The following SBF2 variants were observed in gnomAD, a reference collection of about 807,000 sequenced individuals.
SBF2 encodes the protein myotubularin-related protein 13.
SBF2 carries 112 observed loss-of-function variants against 225.2 expected under a neutral mutation model. That is an observed-to-expected ratio of 0.50 (90% CI 0.43 to 0.58). The LOEUF (loss-of-function observed/expected upper bound fraction) is 0.58. Ranked by LOEUF, SBF2 falls within the 20% of genes least tolerant of loss-of-function variation. SBF2 has a pLI of 0.00. For missense variants in SBF2, 1,996 were observed against 2,206.2 expected, an observed-to-expected ratio of 0.90 and a Z score of 1.91; for synonymous variants, 763 against 773.3, an observed-to-expected ratio of 0.99 and a Z score of 0.22.
rs181330831 is a variant in SBF2, at chr11:10,095,441, T to C, written c.142-52460A>G. On this transcript the variant is annotated intron_variant, in intron 2 of 39. Coordinates refer to ENST00000256190, the MANE Select transcript of SBF2 (RefSeq NM_030962.4). ...GATACATAACATAGAAATACTTTAA[T>C]GAAAACAGATTTAAACCCACAATTT... is the stretch of plus-strand genomic sequence containing the variant. Among the ~76,000 whole-genome samples, 533 of 152,266 alleles carry C rather than the reference T, an allele frequency of 3.5e-3. 4 individuals carry two copies. Among genetic ancestry groups the C allele is most frequent in the African/African-American group, 0.012 (505 of 41,556 alleles).
chr11:10,241,750 A>G (rs1305243174), intron 1 of SBF2, among the ~76,000 whole-genome samples: 1 of 152,142 alleles, frequency 6.6e-6, no homozygotes, highest in Non-Finnish European at 1.5e-5. Flanking sequence ...AGATATCTAT[A>G]AAATGCCACA....
At chr11:10,268,560 C>G (rs1161907373) in intron 1 of SBF2, among the ~76,000 whole-genome samples, 5 of 152,176 alleles carry the variant, frequency 3.3e-5, no homozygotes, top group African/African-American at 1.2e-4. Flanking sequence ...AATTCTTTCT[C>G]CTAACTCAGT....
At chr11:10,173,420 T>G (rs1205907279) in intron 2 of SBF2, among the ~76,000 whole-genome samples, 1 of 152,162 alleles carries the variant, frequency 6.6e-6, no homozygotes, top group Non-Finnish European at 1.5e-5. Flanking sequence ...GGAAAATCAG[T>G]TCACTCCCAC....
chr11:10,182,332 A>G lies in SBF2; in HGVS notation c.141+11570T>C, dbSNP rs550577442. Among the ~76,000 whole-genome samples the G allele has an allele frequency of 4.6e-5, 7 of 152,322 alleles. No homozygotes were observed. In the East Asian group the frequency reaches 5.8e-4, roughly 13 times the overall value. On this transcript the variant is annotated intron_variant, in intron 2 of 39. Transcript: ENST00000256190. Reference sequence around the variant, plus strand: ...GACCTAGAGAGATGGTGTTCTCTCAAATTGCTGTTGTCCTTTATAAGCAAA... The same window carrying G: ...GACCTAGAGAGATGGTGTTCTCTCAGATTGCTGTTGTCCTTTATAAGCAAA...
chr11:10,142,639 T>C (rs1006322421), intron 2 of SBF2, among the ~76,000 whole-genome samples: 2 of 152,312 alleles, frequency 1.3e-5, no homozygotes, highest in East Asian at 3.9e-4. Context: ...AAAACACTGA[T>C]ACTTAGCACT....
At chr11:9,874,249 G>C (rs1318475691) in intron 17 of SBF2, among the ~76,000 whole-genome samples, 1 of 151,916 alleles carries the variant, frequency 6.6e-6, no homozygotes, top group African/African-American at 2.4e-5. Context: ...GTACATAATA[G>C]TGAATCTAAG....
chr11:9,967,911 ATCTGTCTGTCTGTCTG>A (rs1201842155), intron 14 of SBF2, among the ~76,000 whole-genome samples: 3 of 139,716 alleles, frequency 2.1e-5, no homozygotes, highest in African/African-American at 8.1e-5. Context: ...GTGAAACTCA[ATCTGTCTGTCTGTCTG>A]TCTGTCTGTC....
chr11:9,944,614 T>C (rs1349330568), intron 16 of SBF2, among the ~76,000 whole-genome samples: 5 of 151,878 alleles, frequency 3.3e-5, no homozygotes, highest in African/African-American at 9.7e-5. Flanking sequence ...GGTGAAAAAA[T>C]CTCTGCAGTG....
intron 2 of SBF2, among the ~76,000 whole-genome samples, chr11:10,096,744 C>T (rs540073962): frequency 9.0e-4 from 137 of 152,184 alleles, no homozygotes; most frequent in African/African-American, 3.1e-3. Context: ...AATAATAATG[C>T]ACTTTTTTAT....
chr11:10,168,450 C>T (rs1956060981), intron 2 of SBF2, among the ~76,000 whole-genome samples: 1 of 152,114 alleles, frequency 6.6e-6, no homozygotes, highest in Admixed American at 6.6e-5. Flanking sequence ...GTTCAAGAAC[C>T]AATTCTTCCC....
At chr11:10,238,453 A>G (rs1959165671) in intron 1 of SBF2, among the ~76,000 whole-genome samples, 1 of 152,172 alleles carries the variant, frequency 6.6e-6, no homozygotes, top group African/African-American at 2.4e-5. Context: ...ACTAACCAAA[A>G]GAAGGCTGGT....
intron 6 of SBF2, among the ~76,000 whole-genome samples, chr11:10,007,801 G>GC (rs1419563964): frequency 6.6e-6 from 1 of 152,100 alleles, no homozygotes; most frequent in Non-Finnish European, 1.5e-5. Context: ...CTTAGGTCAC[G>GC]CCCCCTTCAA....
chr11:10,119,910 G>A (rs1953354886), intron 2 of SBF2, among the ~76,000 whole-genome samples: 1 of 151,998 alleles, frequency 6.6e-6, no homozygotes, highest in Non-Finnish European at 1.5e-5. Context: ...TTGGCAGTCG[G>A]GCCTTAGAAT....
At chr11:9,969,956 T>A (rs1186543165) in intron 13 of SBF2, among the ~76,000 whole-genome samples, 2 of 152,180 alleles carry the variant, frequency 1.3e-5, no homozygotes, top group Admixed American at 1.3e-4. Flanking sequence ...TTGAATTAAA[T>A]GTGTCAGCTA....
chr11:9,810,976 G>A (rs1050158143), intron 30 of SBF2: 1 of 152,114 alleles, frequency 6.6e-6, no homozygotes, highest in African/African-American at 2.4e-5. Context: ...GCCCATCAAC[G>A]GTAGACTGGA....
At chr11:10,008,161 G>C (rs921905417) in intron 6 of SBF2, among the ~76,000 whole-genome samples, 2 of 152,150 alleles carry the variant, frequency 1.3e-5, no homozygotes, top group Non-Finnish European at 2.9e-5. Flanking sequence ...GGAAGAAACC[G>C]CATGTTCCTC....
intron 2 of SBF2, among the ~76,000 whole-genome samples, chr11:10,151,734 G>A (rs1032861527): frequency 1.3e-5 from 2 of 152,116 alleles, no homozygotes; most frequent in African/African-American, 4.8e-5. Flanking sequence ...ATTATGGACT[G>A]GGGGACTTTG....
At chr11:10,029,538 G>T (rs1357563758) in intron 5 of SBF2, among the ~76,000 whole-genome samples, 1 of 152,200 alleles carries the variant, frequency 6.6e-6, no homozygotes, top group Non-Finnish European at 1.5e-5. Context: ...ATTATGCTAT[G>T]TGAAAGATGA....
chr11:9,798,113 ATG>A (rs1853245960), intron 32 of SBF2, among the ~76,000 whole-genome samples: 1 of 152,200 alleles, frequency 6.6e-6, no homozygotes, highest in African/African-American at 2.4e-5. Context: ...TTAGCCCTCT[ATG>A]TGTGTCTCAG....
Sources: allele counts gnomAD v4.1 joint callset (sites outside exome capture counted in the v4.1 genomes callset), GRCh38; gene constraint gnomAD v4.1.1; transcripts MANE v1.5; gene names NCBI Gene and HGNC (gene_info 2026-07-23, HGNC 2026-07-21).